The following NBDY variants were observed in gnomAD, a reference collection of about 807,000 sequenced individuals.
The protein encoded by NBDY is negative regulator of P-body association.
intron 2 of NBDY, among the ~76,000 whole-genome samples, chrX:56,739,238 G>GTATATATATATATATATATATA (rs1198957018): frequency 1.7e-5 from 1 of 59,630 alleles, no homozygotes; most frequent in African/African-American, 7.0e-5. Flanking sequence ...GTTTGTGTGT[G>GTATATATATATATATATATATA]TATATATATA....
intron 2 of NBDY, among the ~76,000 whole-genome samples, chrX:56,792,406 G>A: frequency 9.0e-6 from 1 of 110,967 alleles, no homozygotes; most frequent in Non-Finnish European, 1.9e-5. Flanking sequence ...ATCAGGGTGT[G>A]CAGGCAGGGT....
chrX:56,808,257 C>T (rs964351395), intron 2 of NBDY, among the ~76,000 whole-genome samples: 1 of 111,949 alleles, frequency 8.9e-6, no homozygotes, highest in African/African-American at 3.3e-5. Flanking sequence ...CAGGATGATG[C>T]TGGCCTCATA....
chrX:56,781,411 C>G (rs772027694), intron 2 of NBDY, among the ~76,000 whole-genome samples: 20 of 111,801 alleles, frequency 1.8e-4, no homozygotes, highest in African/African-American at 6.2e-4. Flanking sequence ...AGGGCAGTCT[C>G]CTGGCCCAAC....
At chrX:56,753,731 G>A (rs1392760144) in intron 2 of NBDY, among the ~76,000 whole-genome samples, 1 of 111,686 alleles carries the variant, frequency 9.0e-6, no homozygotes, top group Admixed American at 9.5e-5. Flanking sequence ...GTGGTTAACA[G>A]TGTCAAATAT....
intron 2 of NBDY, among the ~76,000 whole-genome samples, chrX:56,742,869 C>T (rs2069538248): frequency 9.0e-6 from 1 of 111,374 alleles, no homozygotes; most frequent in South Asian, 3.8e-4. Flanking sequence ...TGTTGAATAA[C>T]AGTGGTGACA....
chrX:56,789,051 G>T, intron 2 of NBDY, among the ~76,000 whole-genome samples: 1 of 112,727 alleles, frequency 8.9e-6, no homozygotes, highest in Non-Finnish European at 1.9e-5. Flanking sequence ...CTGTGGCTCC[G>T]CAAATGGCAG....
At chrX:56,787,291 C>G (rs1569289852) in intron 2 of NBDY, among the ~76,000 whole-genome samples, 1 of 110,069 alleles carries the variant, frequency 9.1e-6, no homozygotes, top group Non-Finnish European at 1.9e-5. Flanking sequence ...ACACGTTAAA[C>G]AAGCCCAAGC....
intron 2 of NBDY, among the ~76,000 whole-genome samples, chrX:56,782,046 A>C (rs2069694950): frequency 9.0e-6 from 1 of 111,229 alleles, no homozygotes; most frequent in Admixed American, 9.5e-5. Flanking sequence ...GATCCCACTC[A>C]GGAAAGATCC....
chrX:56,790,540 G>A (rs1211432524), intron 2 of NBDY, among the ~76,000 whole-genome samples: 1 of 112,331 alleles, frequency 8.9e-6, no homozygotes, highest in Non-Finnish European at 1.9e-5. Flanking sequence ...TAGGTAGCAT[G>A]CACCACGGGG....
intron 2 of NBDY, among the ~76,000 whole-genome samples, chrX:56,816,132 G>A (rs1423697630): frequency 9.0e-6 from 1 of 110,985 alleles, no homozygotes; most frequent in Non-Finnish European, 1.9e-5. Context: ...TTAATTCATA[G>A]AATATATAAT....
intron 2 of NBDY, among the ~76,000 whole-genome samples, chrX:56,756,442 G>GA (rs66854374): frequency 4.0e-5 from 4 of 99,875 alleles, no homozygotes; most frequent in Admixed American, 1.1e-4. Flanking sequence ...AGCTAAAAAA[G>GA]AAAAAAAAAA....
chrX:56,745,876 C>A (rs185354032), intron 2 of NBDY, among the ~76,000 whole-genome samples: 1 of 111,112 alleles, frequency 9.0e-6, no homozygotes, highest in Admixed American at 9.6e-5. Flanking sequence ...ACTACATGGG[C>A]GATGTTCTGT....
chrX:56,737,491 T>G, intron 2 of NBDY: 1 of 915,677 alleles, frequency 1.1e-6, no homozygotes, highest in South Asian at 2.0e-5. Context: ...TTAACCCCAG[T>G]TTATTGAATC....
At chrX:56,734,520 G>T (rs771901153) in intron 2 of NBDY, among the ~76,000 whole-genome samples, 19 of 112,426 alleles carry the variant, frequency 1.7e-4, no homozygotes, top group Non-Finnish European at 3.0e-4. Flanking sequence ...ATTTTAAACT[G>T]TACAAAGCAA....
intron 2 of NBDY, among the ~76,000 whole-genome samples, chrX:56,740,490 A>G (rs888484145): frequency 1.8e-5 from 2 of 111,311 alleles, no homozygotes; most frequent in Admixed American, 9.6e-5. Context: ...TGTTGTTTAA[A>G]TCTTCTCTAT....
At chrX:56,801,007 C>T (rs920789325) in intron 2 of NBDY, among the ~76,000 whole-genome samples, 2 of 111,640 alleles carry the variant, frequency 1.8e-5, no homozygotes, top group African/African-American at 6.5e-5. Flanking sequence ...AGATTAGAAG[C>T]CCGTGGCCCC....
intron 2 of NBDY, among the ~76,000 whole-genome samples, chrX:56,756,449 A>C (rs900976969): frequency 9.1e-6 from 1 of 110,296 alleles, no homozygotes; most frequent in African/African-American, 3.3e-5. Context: ...AAAGAAAAAA[A>C]AAAAGTAACA....
intron 2 of NBDY, among the ~76,000 whole-genome samples, chrX:56,811,616 C>T (rs2069887115): frequency 8.9e-6 from 1 of 111,846 alleles, no homozygotes; most frequent in Non-Finnish European, 1.9e-5. Flanking sequence ...CCACCAAGCT[C>T]CAGGGTCCCA....
chrX:56,742,593 T>C (rs927998088), intron 2 of NBDY, among the ~76,000 whole-genome samples: 9 of 111,745 alleles, frequency 8.1e-5, no homozygotes, highest in African/African-American at 2.9e-4. Context: ...TGTTTGGCCA[T>C]TGTAAGTGGA....
Sources: gnomAD v4.1 joint callset for allele counts (sites outside exome capture counted in the v4.1 genomes callset) on GRCh38, gnomAD v4.1.1 for gene constraint, MANE v1.5 for transcripts, NCBI Gene and HGNC (gene_info 2026-07-23, HGNC 2026-07-21) for gene names.